The following CD36 variants were observed in gnomAD, a reference collection of about 807,000 sequenced individuals.
The protein encoded by CD36 is platelet glycoprotein 4.
Under a neutral mutation model 55.2 loss-of-function variants are expected in CD36, and 119 were observed. The observed-to-expected ratio is 2.15, with a 90% CI of 1.86 to 2.51. The LOEUF (loss-of-function observed/expected upper bound fraction) is 2.51. Among genes scored for constraint, CD36 ranks in the 30% most tolerant of loss-of-function variants. The probability of loss-of-function intolerance (pLI) is 0.00; values close to 1 mark genes in which losing one functional copy is unlikely to be tolerated. For synonymous variants in CD36, 186 were observed against 193.6 expected (o/e 0.96, Z 0.33); for missense variants, 819 against 555.5 (o/e 1.47, Z -4.77).
chr7:80,659,086 A>T (rs139732998), intron 4 of CD36, among the ~76,000 whole-genome samples: 434 of 152,314 alleles, frequency 2.8e-3, no homozygotes, highest in Middle Eastern at 0.01. Flanking sequence ...ATCTTGTCTC[A>T]GCATGTCACC....
intron 1 of CD36, among the ~76,000 whole-genome samples, chr7:80,610,953 G>A (rs1584266287): frequency 1.3e-5 from 2 of 152,042 alleles, no homozygotes; most frequent in East Asian, 3.9e-4. Flanking sequence ...ATAGCTCACT[G>A]TAATCTCAAA....
upstream of CD36, among the ~76,000 whole-genome samples, chr7:80,638,294 T>G (rs1465111422): frequency 6.6e-6 from 1 of 151,862 alleles, no homozygotes; most frequent in African/African-American, 2.4e-5. Context: ...AATTTACTAT[T>G]TCCACCAGCG....
At chr7:80,616,818 G>T (rs200200072) in intron 1 of CD36, among the ~76,000 whole-genome samples, 1 of 152,078 alleles carries the variant, frequency 6.6e-6, no homozygotes, top group African/African-American at 2.4e-5. Context: ...TGGCTACGGC[G>T]ATTGTAAGGA....
At chr7:80,674,197 ACTTGTTTTC>A in intron 14 of CD36, 50 bp downstream of exon 14, 1 of 1,276,734 alleles carries the variant, frequency 7.8e-7, no homozygotes, top group East Asian at 2.4e-5. Flanking sequence ...CTTATATATT[ACTTGTTTTC>A]ACTTTATCAA....
At chr7:80,644,361 A>C (rs1326148053) in intron 1 of CD36, among the ~76,000 whole-genome samples, 1 of 152,172 alleles carries the variant, frequency 6.6e-6, no homozygotes, top group Non-Finnish European at 1.5e-5. Flanking sequence ...ATTGGAGAAA[A>C]ATGACACTAA....
chr7:80,673,073 C>A (rs1463339064), intron 12 of CD36: 3 of 534,700 alleles, frequency 5.6e-6, no homozygotes, highest in South Asian at 2.7e-5. Context: ...TTGTTAGCTG[C>A]CCAAATATTT....
chr7:80,604,128 C>G (rs1792398366), intron 1 of CD36, among the ~76,000 whole-genome samples: 1 of 151,854 alleles, frequency 6.6e-6, no homozygotes, highest in Admixed American at 6.6e-5. Flanking sequence ...AGAGGAGGTA[C>G]TAGAGGAGGG....
chr7:80,603,485 T>G (rs1792356420), intron 1 of CD36, among the ~76,000 whole-genome samples: 1 of 152,118 alleles, frequency 6.6e-6, no homozygotes, highest in South Asian at 2.1e-4. Flanking sequence ...CAAAGAGAAA[T>G]AGGCAACCTA....
intron 14 of CD36, among the ~76,000 whole-genome samples, chr7:80,674,732 A>AC (rs1179712253): frequency 2.0e-5 from 3 of 151,996 alleles, no homozygotes; most frequent in Non-Finnish European, 4.4e-5. Flanking sequence ...CTAAAGGAAA[A>AC]CCTTTTTTTA....
intron 1 of CD36, among the ~76,000 whole-genome samples, chr7:80,621,308 C>A (rs1793458667): frequency 6.6e-6 from 1 of 152,204 alleles, no homozygotes; most frequent in Admixed American, 6.5e-5. Flanking sequence ...TTACAGCAGT[C>A]TGAAACCAAA....
At chr7:80,653,816 C>T (rs3211848) in intron 3 of CD36, among the ~76,000 whole-genome samples, 1,963 of 152,178 alleles carry the variant, frequency 0.013, 45 homozygotes, top group African/African-American at 0.045. Flanking sequence ...GTAGTGGTAG[C>T]GTCAGAAGCA....
intron 3 of CD36, among the ~76,000 whole-genome samples, chr7:80,655,048 G>A (rs1458204719): frequency 1.3e-5 from 2 of 152,150 alleles, no homozygotes; most frequent in African/African-American, 4.8e-5. Flanking sequence ...ATGTGATCAT[G>A]TTCAATGTCC....
At chr7:80,622,666 T>C (rs1231631658) in intron 1 of CD36, among the ~76,000 whole-genome samples, 7 of 152,128 alleles carry the variant, frequency 4.6e-5, no homozygotes, top group Admixed American at 3.9e-4. Flanking sequence ...AGAGAAGAAA[T>C]GTATTCTACA....
chr7:80,641,837 G>T (rs1794836477), intron 1 of CD36, among the ~76,000 whole-genome samples: 1 of 151,852 alleles, frequency 6.6e-6, no homozygotes, highest in African/African-American at 2.4e-5. Flanking sequence ...TCAGTCTAAT[G>T]CAGGCTTTGC....
intron 1 of CD36, among the ~76,000 whole-genome samples, chr7:80,604,584 C>T (rs1198965516): frequency 2.0e-5 from 3 of 151,172 alleles, no homozygotes. Flanking sequence ...CACACAAACA[C>T]TATAGTACAA....
chr7:80,620,628 C>T (rs1164222433), intron 1 of CD36, among the ~76,000 whole-genome samples: 1 of 152,024 alleles, frequency 6.6e-6, no homozygotes, highest in Admixed American at 6.6e-5. Context: ...CATTCCTTCC[C>T]CCAGGATGTA....
At chr7:80,617,483 T>C (rs1217696975) in intron 1 of CD36, among the ~76,000 whole-genome samples, 1 of 152,112 alleles carries the variant, frequency 6.6e-6, no homozygotes, top group Non-Finnish European at 1.5e-5. Flanking sequence ...TCCCAGCACT[T>C]TGGGAGCCTG....
Position 80,679,197 on chromosome 7 carries a change from T to A in CD36, c.*2814T>A, listed in dbSNP as rs868042030. ...TGTATCAAATACATAAAAGGAATAC[T>A]GCTTTTTCCTTTTGTGGCTCAAAGG... is the stretch of plus-strand genomic sequence containing the variant. On this transcript the variant is annotated 3_prime_UTR_variant, in exon 15 of 15. Transcript: ENST00000447544. The A allele has an allele frequency of 3.9e-5, 6 of 152,242 alleles. No homozygotes were observed. Among genetic ancestry groups the A allele is most frequent in the Admixed American group, 3.3e-4 (5 of 15,280 alleles). The allele number at this position is 152,242 out of a possible 1,614,324, so 9.4% of individuals were successfully genotyped here.
intron 1 of CD36, among the ~76,000 whole-genome samples, chr7:80,625,675 C>G (rs1298098840): frequency 1.3e-5 from 2 of 152,066 alleles, no homozygotes; most frequent in Non-Finnish European, 2.9e-5. Context: ...CCCACGTTAC[C>G]TATGCTACAA....
Sources: gnomAD v4.1 joint callset for allele counts (sites outside exome capture counted in the v4.1 genomes callset) on GRCh38, gnomAD v4.1.1 for gene constraint, MANE v1.5 for transcripts, NCBI Gene and HGNC (gene_info 2026-07-23, HGNC 2026-07-21) for gene names.